TYW1: variants seen among roughly 807,000 people sequenced by gnomAD.
The protein encoded by TYW1 is S-adenosyl-L-methionine-dependent tRNA 4-demethylwyosine synthase TYW1.
Under a neutral mutation model 96.2 loss-of-function variants are expected in TYW1, and 46 were observed. The observed-to-expected ratio is 0.48, with a 90% confidence interval of 0.38 to 0.61. TYW1 has a LOEUF of 0.61. Among genes scored for constraint, TYW1 ranks in the 20% least tolerant of loss-of-function variants. The probability of loss-of-function intolerance (pLI) is 0.00; values close to 1 mark genes in which losing one functional copy is unlikely to be tolerated. For missense variants in TYW1, 684 were observed against 909.6 expected, an observed-to-expected ratio of 0.75 and a Z score of 3.19; for synonymous variants, 274 against 323.0, an observed-to-expected ratio of 0.85 and a Z score of 1.63.
rs563965292 is a variant in TYW1 at position 67,050,537 on chromosome 7, A to T, written c.1102+471A>T. Among the ~76,000 whole-genome samples the T allele has an allele frequency of 1.7e-3, 255 of 151,968 alleles. 4 individuals are homozygous for T. The highest frequency in any genetic ancestry group is 5.8e-3 in the African/African-American group (240 of 41,436). On this transcript the variant is annotated intron_variant, in intron 8 of 15. Coordinates refer to ENST00000359626, the MANE Select transcript of TYW1 (RefSeq NM_018264.4). ...CCTCCTTTCCTTCATCCCCCTCCCC[A>T]CTTCCCCTCTATATTTATGAGAGGC...
chr7:67,007,583 C>T (rs1009185111), intron 3 of TYW1, among the ~76,000 whole-genome samples: 14 of 152,100 alleles, frequency 9.2e-5, no homozygotes, highest in African/African-American at 3.1e-4. Flanking sequence ...ATATCCAAAC[C>T]GTATCAGTCC....
chr7:67,154,077 C>T (rs1201656900), intron 13 of TYW1, among the ~76,000 whole-genome samples: 4 of 152,088 alleles, frequency 2.6e-5, no homozygotes, highest in African/African-American at 9.7e-5. Context: ...CCTGCCACCA[C>T]ACCTGGCTAT....
At chr7:67,032,885 C>CTTTTTTTT (rs778743156) in intron 7 of TYW1, among the ~76,000 whole-genome samples, 2,551 of 76,230 alleles carry the variant, frequency 0.033, 433 homozygotes, top group African/African-American at 0.045. Context: ...AGAAGTATAC[C>CTTTTTTTT]TTTTTTTTTT....
In TYW1 at chr7:66,999,707, A is replaced by T. The variant is rs190642215; in HGVS notation, c.273+753A>T. On this transcript the variant is annotated intron_variant, in intron 3 of 15. Coordinates refer to ENST00000359626, the MANE Select transcript of TYW1 (RefSeq NM_018264.4). The stretch of plus-strand genomic sequence containing the variant: ...TGTTTTGATTTCTAATAGTGCTAAA[A>T]GTGTTAAAGGTAGACACTAAAGTAA... Among the ~76,000 whole-genome samples the T allele has an allele frequency of 3.4e-3, 513 of 152,262 alleles. 3 individuals are homozygous for T. Among genetic ancestry groups the T allele is most frequent in the Middle Eastern group, 0.01 (3 of 294 alleles).
chr7:67,228,942 C>A (rs576960696), intron 15 of TYW1, among the ~76,000 whole-genome samples: 1 of 152,324 alleles, frequency 6.6e-6, no homozygotes, highest in Admixed American at 6.5e-5. Context: ...TCATCTGCAA[C>A]CTCTTGCCTG....
chr7:67,123,123 T>G (rs1797810151), intron 13 of TYW1, among the ~76,000 whole-genome samples: 1 of 152,188 alleles, frequency 6.6e-6, no homozygotes, highest in Non-Finnish European at 1.5e-5. Context: ...TTGACCTATT[T>G]TGTTTATTTC....
chr7:67,027,417 A>G (rs1356647627), intron 7 of TYW1, among the ~76,000 whole-genome samples: 5 of 152,308 alleles, frequency 3.3e-5, no homozygotes, highest in African/African-American at 1.2e-4. Context: ...AGTGTTTTAC[A>G]TGACCATAGT....
chr7:67,171,369 C>G (rs1312594850), intron 13 of TYW1, among the ~76,000 whole-genome samples: 1 of 151,586 alleles, frequency 6.6e-6, no homozygotes, highest in African/African-American at 2.4e-5. Flanking sequence ...TTTTTCTGTT[C>G]TCTATTTCTT....
chr7:67,125,452 A>G (rs559137162), intron 13 of TYW1, among the ~76,000 whole-genome samples: 4 of 152,042 alleles, frequency 2.6e-5, no homozygotes, highest in African/African-American at 9.7e-5. Context: ...AAAATTGAGC[A>G]GAGGGTCCAG....
At position 67,053,314 on chromosome 7, in the gene TYW1, A is replaced by G. The variant is rs562597416; in HGVS notation, c.1103-2521A>G. On this transcript the variant is annotated intron_variant, in intron 8 of 15. Transcript: ENST00000359626. Reference sequence around the variant, plus strand: ...CAGGTACAATTCTCAGCCTGCTGTAAGCATCAGGCATTGCCCCCAGTCCTT... The same window carrying G: ...CAGGTACAATTCTCAGCCTGCTGTAGGCATCAGGCATTGCCCCCAGTCCTT... 9.2e-5 allele frequency among the ~76,000 whole-genome samples: 14 copies of G among 151,882 alleles called. 1 individual carries two copies. The South Asian group carries it at 1.9e-3, about 20-fold the overall frequency.
intron 13 of TYW1, among the ~76,000 whole-genome samples, chr7:67,125,920 A>G (rs1228010845): frequency 6.6e-6 from 1 of 152,134 alleles, no homozygotes; most frequent in Non-Finnish European, 1.5e-5. Flanking sequence ...TTTTAGAGCT[A>G]AACAATATTC....
At chr7:67,058,437 T>C (rs4718446) in intron 9 of TYW1, among the ~76,000 whole-genome samples, 2,677 of 152,286 alleles carry the variant, frequency 0.018, 37 homozygotes, top group Admixed American at 0.046. Context: ...CAGAGTTGCT[T>C]GGGCAGATTC....
rs562238564 is a variant in TYW1, at chr7:67,089,374, G to C, written c.1384+5835G>C. On this transcript the variant is annotated intron_variant, in intron 11 of 15. Transcript: ENST00000359626. ...TCCATTCCCAAGGCTTAGGTATCCA[G>C]TGCAGGGCATCTGGTGGGGAGGCCT... 27 of 1,227,928 alleles carry C rather than the reference G, an allele frequency of 2.2e-5. No individual in the cohort carries two copies. The South Asian group carries it at 3.3e-4, about 15-fold the overall frequency. 76.1% of individuals were successfully genotyped at this position (1,227,928 alleles called of 1,614,324 possible).
At chr7:67,211,016 T>A (rs539312055) in intron 15 of TYW1, among the ~76,000 whole-genome samples, 3 of 151,138 alleles carry the variant, frequency 2.0e-5, no homozygotes, top group Non-Finnish European at 4.4e-5. Flanking sequence ...TGTGAATGCA[T>A]GAATATTTAT....
rs967666999 is a variant in TYW1, at chr7:67,171,996, G to T, written c.1699-11130G>T. On this transcript the variant is annotated intron_variant, in intron 13 of 15. Coordinates refer to ENST00000359626, the MANE Select transcript of TYW1 (RefSeq NM_018264.4). ...AGGACTTTTTAATAACATGTAATTG[G>T]GTTTGTTTTCTTAAACAGTTGGAAA... Among the ~76,000 whole-genome samples the T allele has an allele frequency of 2.6e-5, 4 of 151,818 alleles. No individual in the cohort carries two copies. In the East Asian group the frequency reaches 7.7e-4, roughly 29 times the overall value.
intron 12 of TYW1, among the ~76,000 whole-genome samples, chr7:67,112,100 C>CAAAAAAAAAAAAAAAAAAAAAAAAA (rs538839042): frequency 1.2e-4 from 11 of 94,880 alleles, no homozygotes; most frequent in East Asian, 4.9e-4. Context: ...CTCTGTCTGA[C>CAAAAAAAAAAAAAAAAAAAAAAAAA]AAAAAAAAAA....
intron 13 of TYW1, among the ~76,000 whole-genome samples, chr7:67,161,417 G>A (rs1215124981): frequency 2.0e-5 from 3 of 152,108 alleles, no homozygotes; most frequent in Non-Finnish European, 2.9e-5. Context: ...TGTTCTAATT[G>A]TAGATTAGGT....
At chr7:67,159,241 A>AGC (rs1799080978) in intron 13 of TYW1, among the ~76,000 whole-genome samples, 1 of 152,158 alleles carries the variant, frequency 6.6e-6, no homozygotes, top group Non-Finnish European at 1.5e-5. Flanking sequence ...TCTACTATTA[A>AGC]ATAGCACTGC....
chr7:67,104,397 G>A (rs1165077948), intron 12 of TYW1, among the ~76,000 whole-genome samples: 1 of 152,216 alleles, frequency 6.6e-6, no homozygotes, highest in Non-Finnish European at 1.5e-5. Flanking sequence ...AGAGAATGAA[G>A]GGGGAAGGGA....
Sources: gnomAD v4.1 joint callset for allele counts (sites outside exome capture counted in the v4.1 genomes callset) on GRCh38, gnomAD v4.1.1 for gene constraint, MANE v1.5 for transcripts, NCBI Gene and HGNC (gene_info 2026-07-23, HGNC 2026-07-21) for gene names.